Variants in CDK5RAP1 observed in about 807,000 individuals in gnomAD.
CDK5RAP1 encodes mitochondrial tRNA methylthiotransferase CDK5RAP1.
CDK5RAP1 carries 62 observed loss-of-function variants against 64.5 expected under a neutral mutation model. The ratio of observed to expected loss-of-function variants is 0.96; its 90% CI spans 0.78 to 1.19. The LOEUF (loss-of-function observed/expected upper bound fraction) is 1.19, where lower values mean the gene tolerates loss of function less well. Ranked by LOEUF, CDK5RAP1 falls within the 50% of genes most tolerant of loss-of-function variation. The pLI, the probability that CDK5RAP1 is intolerant of heterozygous loss-of-function variation, is 0.00. For missense variants in CDK5RAP1, 657 were observed against 735.0 expected, an observed-to-expected ratio of 0.89 and a Z score of 1.23; for synonymous variants, 250 against 261.9, an observed-to-expected ratio of 0.95 and a Z score of 0.44.
chr20:33,388,260 G>A (rs1987715807), intron 5 of CDK5RAP1, among the ~76,000 whole-genome samples: 1 of 152,124 alleles, frequency 6.6e-6, no homozygotes, highest in Non-Finnish European at 1.5e-5. Flanking sequence ...TAAGAAATGA[G>A]TAAGCCATTT....
At chr20:33,398,589 G>A (rs938234987) in intron 1 of CDK5RAP1, among the ~76,000 whole-genome samples, 4 of 152,090 alleles carry the variant, frequency 2.6e-5, no homozygotes, top group African/African-American at 9.7e-5. Flanking sequence ...AGTTAAGTAA[G>A]TTCTGGTGCA....
chr20:33,398,554 A>C (rs1989110805), intron 1 of CDK5RAP1, among the ~76,000 whole-genome samples: 1 of 152,184 alleles, frequency 6.6e-6, no homozygotes, highest in Admixed American at 6.6e-5. Flanking sequence ...AAAGGGAAAG[A>C]TCTAAATGTT....
At chr20:33,378,389 G>T (rs1042174550) in intron 8 of CDK5RAP1, among the ~76,000 whole-genome samples, 9 of 152,112 alleles carry the variant, frequency 5.9e-5, no homozygotes, top group African/African-American at 1.9e-4. Context: ...ACAATTTTAA[G>T]AATAACATTA....
At chr20:33,387,854 G>T (rs1439467356) in intron 5 of CDK5RAP1, among the ~76,000 whole-genome samples, 1 of 152,054 alleles carries the variant, frequency 6.6e-6, no homozygotes, top group Admixed American at 6.6e-5. Context: ...ATCACCTGAG[G>T]TTGAGAGTTC....
At chr20:33,392,459 G>A (rs906176062) in intron 4 of CDK5RAP1, among the ~76,000 whole-genome samples, 1 of 149,592 alleles carries the variant, frequency 6.7e-6, no homozygotes, top group Non-Finnish European at 1.5e-5. Context: ...TTTTTTGGGG[G>A]GGATTTTTTT....
intron 8 of CDK5RAP1, among the ~76,000 whole-genome samples, chr20:33,379,013 G>A (rs896098152): frequency 6.6e-6 from 1 of 151,932 alleles, no homozygotes. Flanking sequence ...GCAGTGGTGC[G>A]ATCTCGGCTC....
intron 5 of CDK5RAP1, among the ~76,000 whole-genome samples, chr20:33,391,650 G>A (rs1039287677): frequency 3.3e-5 from 5 of 152,006 alleles, no homozygotes; most frequent in African/African-American, 7.3e-5. Context: ...GGGGAAACCC[G>A]TCTCTACTAA....
intron 7 of CDK5RAP1, among the ~76,000 whole-genome samples, chr20:33,383,016 T>TA (rs1986965391): frequency 6.6e-6 from 1 of 150,878 alleles, no homozygotes; most frequent in East Asian, 2.0e-4. Flanking sequence ...ACCCCATCTC[T>TA]ACTAAAAATA....
rs1269258773 is a variant in CDK5RAP1, at chr20:33,366,271, A to T, written c.1542+588T>A. Among the ~76,000 whole-genome samples the T allele has an allele frequency of 2.7e-5, 4 of 148,026 alleles. No individual in the cohort carries two copies. The East Asian group carries it at 8.0e-4, about 30-fold the overall frequency. The stretch of plus-strand genomic sequence containing the variant: ...GAGACAGAGGTTGCAGTAAGCCAAG[A>T]TCATGCCACTGCACTCCAGCCTAAG... On this transcript the variant is annotated intron_variant, in intron 12 of 13. Transcript: ENST00000346416.
chr20:33,389,165 G>A (rs955371187), intron 5 of CDK5RAP1, among the ~76,000 whole-genome samples: 10 of 151,452 alleles, frequency 6.6e-5, no homozygotes, highest in South Asian at 2.1e-4. Context: ...CCGCCATCCC[G>A]TCTAGGAAGT....
chr20:33,381,028 T>C (rs921505431), intron 7 of CDK5RAP1, among the ~76,000 whole-genome samples: 1 of 152,168 alleles, frequency 6.6e-6, no homozygotes, highest in Non-Finnish European at 1.5e-5. Flanking sequence ...ATTATAAAGT[T>C]TCACAAATAA....
In CDK5RAP1 at chr20:33,366,929, A is replaced by T. The variant is rs143752093; in HGVS notation, c.1472T>A (p.Ile491Asn). Residue 491 changes from isoleucine to asparagine, a missense_variant, in exon 12 of 14, where the codon ATC becomes AAC. Ile to Asn is a moderately radical substitution (Grantham distance 149). Transcript: ENST00000346416. ...KLRRLEELIT[I>N]FREEATKANQ... ...GGCTTTTGTTGCTTCTTCTCGGAAG[A>T]TAGTGATGAGTTCCTCCAAACGCCT... 100 of 1,613,964 alleles carry T rather than the reference A, an allele frequency of 6.2e-5. No homozygotes were observed. In the African/African-American group the frequency reaches 1.3e-3, roughly 20 times the overall value.
chr20:33,364,891 G>C (rs1247933311), intron 12 of CDK5RAP1, among the ~76,000 whole-genome samples: 1 of 130,172 alleles, frequency 7.7e-6, no homozygotes, highest in Admixed American at 7.8e-5. Context: ...TTTTTTTTTT[G>C]ATACAGACTC....
chr20:33,386,797 T>G (rs1001832337), intron 6 of CDK5RAP1, among the ~76,000 whole-genome samples: 2 of 147,958 alleles, frequency 1.4e-5, no homozygotes, highest in African/African-American at 5.0e-5. Context: ...AAAAACCCTA[T>G]AGTAAATATT....
chr20:33,388,475 C>G (rs1333280041), intron 5 of CDK5RAP1, among the ~76,000 whole-genome samples: 1 of 151,820 alleles, frequency 6.6e-6, no homozygotes, highest in African/African-American at 2.4e-5. Context: ...TTTGCATCTA[C>G]GCAAAGCCAG....
intron 7 of CDK5RAP1, among the ~76,000 whole-genome samples, chr20:33,382,452 G>A (rs1329401431): frequency 6.6e-6 from 1 of 152,124 alleles, no homozygotes; most frequent in East Asian, 1.9e-4. Flanking sequence ...AGGCCAAGGC[G>A]GGTAGATCAC....
chr20:33,400,920 G>T (rs1369389184), intron 1 of CDK5RAP1, among the ~76,000 whole-genome samples: 1 of 152,178 alleles, frequency 6.6e-6, no homozygotes, highest in African/African-American at 2.4e-5. Context: ...TCTAGATGGG[G>T]ATAATAGCAC....
At chr20:33,387,773 A>C (rs1324534075) in intron 5 of CDK5RAP1, among the ~76,000 whole-genome samples, 3 of 152,128 alleles carry the variant, frequency 2.0e-5, no homozygotes, top group Non-Finnish European at 4.4e-5. Flanking sequence ...CCCAGAAAAA[A>C]ATTAAACCAC....
Position 33,395,052 on chromosome 20 carries a change from T to C in CDK5RAP1, c.369A>G (p.Leu123=). 1.2e-6 allele frequency: 2 copies of C among 1,613,446 alleles called. No homozygotes were observed. Among genetic ancestry groups the C allele is most frequent in the Non-Finnish European group, 1.7e-6 (2 of 1,179,416 alleles). ...VNDTEIAWSI[L]QKSGYLRTSN... is the part of the protein sequence containing the mutation. ...TGGTCCGCAGGTAGCCACTCTTCTG[T>C]AAGATGGACCAGGCTATCTCTGTGT... is the stretch of plus-strand genomic sequence containing the variant. The change falls in exon 3 of 14, where the codon TTA becomes TTG. Residue 123 remains leucine (L), a synonymous_variant. Transcript: ENST00000346416.
Sources: allele counts gnomAD v4.1 joint callset (sites outside exome capture counted in the v4.1 genomes callset), GRCh38; gene constraint gnomAD v4.1.1; transcripts MANE v1.5; gene names NCBI Gene and HGNC (gene_info 2026-07-23, HGNC 2026-07-21).